The following CACNA2D3 variants were observed in gnomAD, a reference collection of about 807,000 sequenced individuals.
CACNA2D3 encodes voltage-dependent calcium channel subunit alpha-2/delta-3.
CACNA2D3 carries 60 observed loss-of-function variants against 160.6 expected under a neutral mutation model. The observed-to-expected ratio is 0.37, with a 90% CI of 0.30 to 0.46. CACNA2D3 has a LOEUF of 0.46. Ranked by LOEUF, CACNA2D3 falls within the 20% of genes least tolerant of loss-of-function variation. The pLI, the probability that CACNA2D3 is intolerant of heterozygous loss-of-function variation, is 1.00. For synonymous variants in CACNA2D3, 558 were observed against 492.9 expected (o/e 1.13, Z -1.75); for missense variants, 1,205 against 1,365.0 (o/e 0.88, Z 1.85).
chr3:54,293,563 T>TTTTATA (rs1553783373), intron 2 of CACNA2D3, among the ~76,000 whole-genome samples: 7 of 149,816 alleles, frequency 4.7e-5, no homozygotes, highest in Non-Finnish European at 8.9e-5. Flanking sequence ...TAATATTCTA[T>TTTTATA]TATATATATA....
chr3:54,431,470 G>C (rs1209137902), intron 4 of CACNA2D3, among the ~76,000 whole-genome samples: 1 of 152,162 alleles, frequency 6.6e-6, no homozygotes, highest in Non-Finnish European at 1.5e-5. Flanking sequence ...AGGAGGAAGA[G>C]GAAGGCTTGT....
intron 2 of CACNA2D3, among the ~76,000 whole-genome samples, chr3:54,300,705 G>T (rs1212225660): frequency 6.6e-6 from 1 of 152,192 alleles, no homozygotes; most frequent in Non-Finnish European, 1.5e-5. Context: ...AATTGGGTCA[G>T]TGGGGTCTTT....
chr3:54,212,189 G>A lies in CACNA2D3; in HGVS notation c.204+88595G>A, dbSNP rs142922465. Reference sequence around the variant, plus strand: ...AGGATGGACCCGTGACACAGCCTCCGGAGGTCCTGATGACATATGCCCAAG... The same window carrying A: ...AGGATGGACCCGTGACACAGCCTCCAGAGGTCCTGATGACATATGCCCAAG... On this transcript the variant is annotated intron_variant, in intron 2 of 37. Transcript: ENST00000474759. Among the ~76,000 whole-genome samples, 95 of 152,288 alleles carry A rather than the reference G, an allele frequency of 6.2e-4. No individual in the cohort carries two copies. The East Asian group carries it at 0.017, about 28-fold the overall frequency.
At chr3:54,537,615 C>T (rs1257843204) in intron 5 of CACNA2D3, among the ~76,000 whole-genome samples, 4 of 152,104 alleles carry the variant, frequency 2.6e-5, no homozygotes, top group Admixed American at 1.3e-4. Context: ...CCCTGATACT[C>T]AGGTCACAGT....
chr3:54,468,202 G>A (rs572030190), intron 4 of CACNA2D3, among the ~76,000 whole-genome samples: 2 of 152,300 alleles, frequency 1.3e-5, no homozygotes, highest in Admixed American at 6.5e-5. Flanking sequence ...CGTAGAAGGC[G>A]GGTGATTTCT....
At chr3:54,418,950 C>A (rs560658838) in intron 4 of CACNA2D3, among the ~76,000 whole-genome samples, 1 of 152,288 alleles carries the variant, frequency 6.6e-6, no homozygotes, top group East Asian at 1.9e-4. Flanking sequence ...CTCCAGGGAC[C>A]ACGTCTGCTT....
intron 2 of CACNA2D3, among the ~76,000 whole-genome samples, chr3:54,265,594 A>AGTGTGTATATATATAGT (rs1559901331): frequency 4.0e-5 from 6 of 148,498 alleles, no homozygotes; most frequent in African/African-American, 1.0e-4. Flanking sequence ...ATATATATAT[A>AGTGTGTATATATATAGT]GTGTGTATAT....
intron 2 of CACNA2D3, among the ~76,000 whole-genome samples, chr3:54,159,554 C>A (rs1210440409): frequency 6.6e-6 from 1 of 152,084 alleles, no homozygotes; most frequent in Non-Finnish European, 1.5e-5. Context: ...TTCAATGAAC[C>A]TTTCTCCGGT....
At chr3:54,811,917 A>C (rs1441032766) in intron 13 of CACNA2D3, among the ~76,000 whole-genome samples, 3 of 152,210 alleles carry the variant, frequency 2.0e-5, no homozygotes, top group African/African-American at 7.2e-5. Flanking sequence ...GCAGAATTAG[A>C]GTAATAATAG....
At chr3:54,701,320 A>G (rs931914155) in intron 11 of CACNA2D3, among the ~76,000 whole-genome samples, 18 of 152,318 alleles carry the variant, frequency 1.2e-4, no homozygotes, top group Non-Finnish European at 2.1e-4. Context: ...TCTTAATGAA[A>G]GTAAAATCAA....
In CACNA2D3 at chr3:54,669,440, C is replaced by A. The variant is rs570748806; in HGVS notation, c.1167+27199C>A. Among the ~76,000 whole-genome samples the A allele has an allele frequency of 1.2e-3, 187 of 152,250 alleles. 2 individuals are homozygous for A. Among genetic ancestry groups the A allele is most frequent in the Admixed American group, 1.7e-3 (26 of 15,284 alleles). On this transcript the variant is annotated intron_variant, in intron 11 of 37. Transcript: ENST00000474759. ...TGTTTCATATTTTCCTGGTGGTTCACAACTTAATCTCATTGTTTTCATAAA... is the reference window on the plus strand; with the variant it reads ...TGTTTCATATTTTCCTGGTGGTTCAAAACTTAATCTCATTGTTTTCATAAA...
chr3:54,804,580 A>G (rs1399979839), intron 13 of CACNA2D3, among the ~76,000 whole-genome samples: 1 of 152,210 alleles, frequency 6.6e-6, no homozygotes, highest in East Asian at 1.9e-4. Flanking sequence ...AAAGAGACTT[A>G]GACTCCCACA....
At chr3:55,058,747 C>T (rs1704427775) in intron 35 of CACNA2D3, among the ~76,000 whole-genome samples, 1 of 152,052 alleles carries the variant, frequency 6.6e-6, no homozygotes, top group African/African-American at 2.4e-5. Context: ...ACAAAAATCA[C>T]ATGCCAGCTC....
At chr3:54,752,438 A>G (rs190952746) in intron 11 of CACNA2D3, among the ~76,000 whole-genome samples, 161 bp from the exon 12 acceptor site, 1 of 152,290 alleles carries the variant, frequency 6.6e-6, no homozygotes, top group Admixed American at 6.5e-5. Flanking sequence ...TTTTGAGTAC[A>G]TTTCTAGCTG....
intron 4 of CACNA2D3, among the ~76,000 whole-genome samples, chr3:54,480,734 A>G (rs1575480779): frequency 6.6e-6 from 1 of 152,040 alleles, no homozygotes; most frequent in East Asian, 1.9e-4. Context: ...ATGGGCTTGT[A>G]TTTCCATTTA....
intron 35 of CACNA2D3, among the ~76,000 whole-genome samples, chr3:55,072,832 C>CAGAGCAGATAT (rs1704841870): frequency 6.6e-6 from 1 of 152,186 alleles, no homozygotes; most frequent in Non-Finnish European, 1.5e-5. Context: ...ATCAGAAGGT[C>CAGAGCAGATAT]AGAGCAGATA....
chr3:54,847,511 C>A (rs1175298763), intron 17 of CACNA2D3, among the ~76,000 whole-genome samples: 1 of 152,220 alleles, frequency 6.6e-6, no homozygotes, highest in Non-Finnish European at 1.5e-5. Context: ...TTCTCACTTG[C>A]ATCATTGTTT....
At chr3:54,713,281 A>T (rs1293946198) in intron 11 of CACNA2D3, among the ~76,000 whole-genome samples, 1 of 152,214 alleles carries the variant, frequency 6.6e-6, no homozygotes, top group Non-Finnish European at 1.5e-5. Context: ...CTTGCTTTCT[A>T]AAGCCAAAGC....
At chr3:54,573,274 G>T (rs1702529648) in intron 8 of CACNA2D3, among the ~76,000 whole-genome samples, 1 of 152,190 alleles carries the variant, frequency 6.6e-6, no homozygotes, top group Non-Finnish European at 1.5e-5. Context: ...GAATGGATCA[G>T]ATATGTTAGT....
Sources: allele counts gnomAD v4.1 joint callset (sites outside exome capture counted in the v4.1 genomes callset), GRCh38; gene constraint gnomAD v4.1.1; transcripts MANE v1.5; gene names NCBI Gene and HGNC (gene_info 2026-07-23, HGNC 2026-07-21).